Variants in ARL6IP6 observed in about 807,000 individuals in gnomAD.
The protein encoded by ARL6IP6 is ADP-ribosylation factor-like protein 6-interacting protein 6.
Under a neutral mutation model 21.5 loss-of-function variants are expected in ARL6IP6, and 22 were observed. That is an observed-to-expected ratio of 1.02 (90% CI 0.73 to 1.46). ARL6IP6 has a LOEUF of 1.46. ARL6IP6 is among the 40% of genes most tolerant of loss of function. ARL6IP6 has a pLI of 0.00. For synonymous variants in ARL6IP6, 164 were observed against 125.3 expected, an observed-to-expected ratio of 1.31 and a Z score of -2.06; for missense variants, 388 against 299.8, an observed-to-expected ratio of 1.29 and a Z score of -2.17.
chr2:152,752,178 T>C (rs1488727707), intron 3 of ARL6IP6, among the ~76,000 whole-genome samples: 1 of 152,202 alleles, frequency 6.6e-6, no homozygotes, highest in Non-Finnish European at 1.5e-5. Context: ...ATATTCTCTA[T>C]TCAGTCTTTT....
intron 3 of ARL6IP6, among the ~76,000 whole-genome samples, chr2:152,755,569 C>G (rs1701548368): frequency 1.3e-5 from 2 of 152,248 alleles, no homozygotes. Flanking sequence ...CTGTCTCTCT[C>G]TCTTCCTCTC....
intron 2 of ARL6IP6, among the ~76,000 whole-genome samples, chr2:152,724,686 T>G (rs1559223854): frequency 6.6e-6 from 1 of 152,208 alleles, no homozygotes; most frequent in Non-Finnish European, 1.5e-5. Context: ...TTTCTTAGGC[T>G]AATGAAGTCA....
rs1370188413 is a variant in ARL6IP6 at position 152,761,141 on chromosome 2, A to C, written c.*1301A>C. 6.6e-6 allele frequency: 1 copy of C among 152,140 alleles called. No individual in the cohort carries two copies. Among genetic ancestry groups the C allele is most frequent in the Non-Finnish European group, 1.5e-5 (1 of 68,014 alleles). The allele number at this position is 152,140 out of a possible 1,614,324, so 9.4% of individuals were successfully genotyped here. On this transcript the variant is annotated 3_prime_UTR_variant, in exon 4 of 4. Transcript: ENST00000326446. ...AGTGTGTTCCCTTAATTATCTACTG[A>C]ATGTTGTTACCGACTAAACAAGGTT...
intron 3 of ARL6IP6, among the ~76,000 whole-genome samples, chr2:152,745,212 A>T (rs1489517300): frequency 1.3e-5 from 2 of 152,142 alleles, no homozygotes; most frequent in East Asian, 3.8e-4. Flanking sequence ...TTTTTCTCTG[A>T]CGTCTTCACA....
At chr2:152,738,380 G>A (rs561679864) in intron 3 of ARL6IP6, among the ~76,000 whole-genome samples, 53 of 152,312 alleles carry the variant, frequency 3.5e-4, no homozygotes, top group Non-Finnish European at 3.1e-4. Flanking sequence ...GTTCCCCCGT[G>A]GGGACTTTGT....
intron 2 of ARL6IP6, among the ~76,000 whole-genome samples, chr2:152,726,077 G>T (rs2105099774): frequency 6.6e-6 from 1 of 152,054 alleles, no homozygotes; most frequent in Middle Eastern, 3.4e-3. Flanking sequence ...TGGATGATGG[G>T]TATATGAGTT....
In ARL6IP6 at chr2:152,760,301, ACTTTTAT is replaced by A. The variant is rs1478090566; in HGVS notation, c.*462_*468del. On this transcript the variant is annotated 3_prime_UTR_variant, in exon 4 of 4. Transcript: ENST00000326446. ...AAAGCAAATAATGCCTACTACTCCG[ACTTTTAT>A]AGAAGCTACTTTTAAATCAGAATAT... The A allele has an allele frequency of 6.6e-6, 1 of 152,622 alleles. No homozygotes were observed. Among genetic ancestry groups the A allele is most frequent in the Non-Finnish European group, 1.5e-5 (1 of 68,074 alleles). 9.5% of individuals were successfully genotyped at this position (152,622 alleles called of 1,614,324 possible).
chr2:152,732,805 A>G (rs926940307), intron 2 of ARL6IP6, among the ~76,000 whole-genome samples: 1 of 152,106 alleles, frequency 6.6e-6, no homozygotes, highest in African/African-American at 2.4e-5. Context: ...TACTCTCTCT[A>G]ATACCTAATA....
At chr2:152,758,718 A>G (rs1267400625) in intron 3 of ARL6IP6, among the ~76,000 whole-genome samples, 4 of 152,266 alleles carry the variant, frequency 2.6e-5, no homozygotes, top group Middle Eastern at 3.4e-3. Context: ...CTCTTCTTTG[A>G]AGAATGTACC....
At position 152,735,019 on chromosome 2, in the gene ARL6IP6, C is replaced by T. The variant is rs1700489502; in HGVS notation, c.480C>T (p.Ser160=). The T allele has an allele frequency of 1.2e-6, 2 of 1,613,080 alleles. No individual in the cohort carries two copies. Among genetic ancestry groups the T allele is most frequent in the South Asian group, 1.1e-5 (1 of 91,056 alleles). The change falls in exon 3 of 4, where the codon TCC becomes TCT. Residue 160 remains serine, a synonymous_variant. Transcript: ENST00000326446. ...LLGFWTLLII[S]LTAGFSCCSF... ...GATTCTGGACTCTACTTATAATATC[C>T]CTAACTGCTGGATTCTCCTGTTGCA...
upstream of ARL6IP6, chr2:152,717,777 G>C (rs1156667391): frequency 2.5e-6 from 3 of 1,223,392 alleles, no homozygotes; most frequent in Non-Finnish European, 3.1e-6. Context: ...GGGTGGGGCA[G>C]TGGGGGTCTG....
chr2:152,754,707 C>T (rs188638420), intron 3 of ARL6IP6, among the ~76,000 whole-genome samples: 4 of 152,122 alleles, frequency 2.6e-5, no homozygotes, highest in Non-Finnish European at 4.4e-5. Flanking sequence ...CTGATTTCCC[C>T]ACATCCTCAC....
chr2:152,724,044 C>T (rs1003326384), intron 2 of ARL6IP6, among the ~76,000 whole-genome samples: 2 of 146,510 alleles, frequency 1.4e-5, no homozygotes, highest in African/African-American at 5.0e-5. Flanking sequence ...ATATCCTATT[C>T]TATAGCACAA....
chr2:152,752,359 G>A (rs372854576), intron 3 of ARL6IP6, among the ~76,000 whole-genome samples: 2 of 152,108 alleles, frequency 1.3e-5, no homozygotes, highest in African/African-American at 4.8e-5. Flanking sequence ...TGGCAAAACC[G>A]TATCTCTACA....
chr2:152,717,691 C>T, upstream of ARL6IP6: 1 of 1,403,286 alleles, frequency 7.1e-7, no homozygotes. Flanking sequence ...GTCGGGAAAA[C>T]TCTACCAACT....
intron 2 of ARL6IP6, among the ~76,000 whole-genome samples, chr2:152,733,300 C>G (rs919696669): frequency 2.6e-5 from 4 of 152,144 alleles, no homozygotes; most frequent in Non-Finnish European, 5.9e-5. Flanking sequence ...GAGTCTCACT[C>G]TGTCACCCAG....
chr2:152,727,653 A>G (rs1416251497), intron 2 of ARL6IP6, among the ~76,000 whole-genome samples: 1 of 152,144 alleles, frequency 6.6e-6, no homozygotes, highest in African/African-American at 2.4e-5. Context: ...ATATTTAAGT[A>G]TGTTCAGATA....
intron 3 of ARL6IP6, among the ~76,000 whole-genome samples, chr2:152,739,844 A>G (rs978928633): frequency 6.6e-6 from 1 of 152,214 alleles, no homozygotes; most frequent in African/African-American, 2.4e-5. Flanking sequence ...GCAAAAGGCA[A>G]AGGAGGAGCA....
intron 3 of ARL6IP6, among the ~76,000 whole-genome samples, chr2:152,746,295 G>A (rs1358061802): frequency 6.6e-6 from 1 of 152,060 alleles, no homozygotes; most frequent in Non-Finnish European, 1.5e-5. Context: ...CCAAAGTGCT[G>A]GGATTACAGG....
Sources: allele counts gnomAD v4.1 joint callset (sites outside exome capture counted in the v4.1 genomes callset), GRCh38; gene constraint gnomAD v4.1.1; transcripts MANE v1.5; gene names NCBI Gene and HGNC (gene_info 2026-07-23, HGNC 2026-07-21).